The following MDM2 variants were observed in gnomAD, a reference collection of about 807,000 sequenced individuals.
MDM2 encodes MDM2 proto-oncogene, also known as E3 ubiquitin-protein ligase Mdm2.
In MDM2, 11 loss-of-function variants were observed where a neutral mutation model predicts 64.3. The observed-to-expected ratio is 0.17, with a 90% CI of 0.11 to 0.28. The LOEUF (loss-of-function observed/expected upper bound fraction) is 0.28, where lower values mean the gene tolerates loss of function less well. MDM2 is among the 10% of genes least tolerant of loss of function. The probability of loss-of-function intolerance (pLI) is 1.00; values close to 1 mark genes in which losing one functional copy is unlikely to be tolerated. For missense variants in MDM2, 388 were observed against 577.1 expected, an observed-to-expected ratio of 0.67 and a Z score of 3.36; for synonymous variants, 194 against 192.9, an observed-to-expected ratio of 1.01 and a Z score of -0.05.
chr12:68,829,737 G>T (rs766311370), intron 8 of MDM2, among the ~76,000 whole-genome samples: 3 of 146,898 alleles, frequency 2.0e-5, no homozygotes, highest in Non-Finnish European at 4.4e-5. Flanking sequence ...CTGCACTCTA[G>T]CCTGGGTGAC....
At chr12:68,835,797 T>TA (rs1883259835) in intron 8 of MDM2, 32 bp from the exon 9 acceptor site, 4 of 1,599,740 alleles carry the variant, frequency 2.5e-6, no homozygotes, top group Non-Finnish European at 3.4e-6. Context: ...GAGGTGATGT[T>TA]TATTAAGTTA....
intron 8 of MDM2, 30 bp from the exon 9 acceptor site, chr12:68,835,799 A>T: frequency 6.2e-7 from 1 of 1,601,546 alleles, no homozygotes; most frequent in East Asian, 2.2e-5. Flanking sequence ...GGTGATGTTT[A>T]TTAAGTTATA....
intron 7 of MDM2, chr12:68,828,501 G>A: frequency 3.2e-6 from 1 of 308,016 alleles, no homozygotes; most frequent in East Asian, 6.6e-5. Flanking sequence ...TTGAGCCCAT[G>A]AGGCAGAGGT....
Position 68,824,641 on chromosome 12 carries a change from T to C in MDM2, c.513T>C (p.Ile171=), listed in dbSNP as rs1383581783. Residue 171 remains isoleucine, a synonymous_variant, in exon 7 of 11, where the codon ATT becomes ATC. Coordinates refer to ENST00000258149, the MANE Select transcript of MDM2 (RefSeq NM_002392.6). ...CTACCTCATCTAGAAGGAGAGCAAT[T>C]AGTGAGACAGGTATATATGAATATT... ...RPSTSSRRRA[I]SETEENSDEL... The C allele has an allele frequency of 6.3e-7, 1 of 1,590,426 alleles. No homozygotes were observed. Among genetic ancestry groups the C allele is most frequent in the Non-Finnish European group, 8.6e-7 (1 of 1,160,932 alleles).
At chr12:68,846,647 A>G (rs1884315547), downstream of MDM2, 1 of 152,194 alleles carries the variant, frequency 6.6e-6, no homozygotes, top group Non-Finnish European at 1.5e-5. Context: ...TATTGGGGGA[A>G]AAACTTGCTT....
At chr12:68,835,631 G>C (rs1211501942) in intron 8 of MDM2, among the ~76,000 whole-genome samples, 198 bp from the exon 9 acceptor site, 2 of 152,182 alleles carry the variant, frequency 1.3e-5, no homozygotes, top group African/African-American at 2.4e-5. Context: ...CGTGGCAACC[G>C]GCTCCGGGAT....
intron 1 of MDM2, chr12:68,808,801 C>T: frequency 3.1e-6 from 2 of 645,662 alleles, no homozygotes; most frequent in Non-Finnish European, 3.8e-6. Flanking sequence ...GGGGCCGCTT[C>T]GGCGCGGGAG....
chr12:68,825,323 T>C (rs184710799), intron 7 of MDM2, among the ~76,000 whole-genome samples: 284 of 152,320 alleles, frequency 1.9e-3, no homozygotes, highest in African/African-American at 6.7e-3. Context: ...TACATACCTA[T>C]GAGTTTTAAA....
In MDM2 at chr12:68,820,250, G is replaced by A. The variant is rs1319282125; in HGVS notation, c.309-75G>A. 2.7e-6 allele frequency: 3 copies of A among 1,128,612 alleles called. No individual in the cohort carries two copies. In the African/African-American group the frequency reaches 4.7e-5, roughly 18 times the overall value. 69.9% of individuals were successfully genotyped at this position (1,128,612 alleles called of 1,614,324 possible). A position where few individuals can be genotyped will look rare whatever the true frequency, so the allele number is the denominator to read the frequency against. ...TACTAAGTATGTATGTAGAAGTCTG[G>A]TTAGATCCAGCTTAATACAAATTTT... is the stretch of plus-strand genomic sequence containing the variant. On this transcript the variant is annotated intron_variant, in intron 4 of 10. Coordinates refer to ENST00000258149, the MANE Select transcript of MDM2 (RefSeq NM_002392.6).
downstream of MDM2, chr12:68,847,181 G>GTGTACAT (rs1884360290): frequency 1.5e-5 from 1 of 66,700 alleles, no homozygotes; most frequent in Non-Finnish European, 3.1e-5. Context: ...GTTTATGTAT[G>GTGTACAT]TATGTGTGTG....
chr12:68,848,082 T>C (rs1884453446), downstream of MDM2: 1 of 152,196 alleles, frequency 6.6e-6, no homozygotes, highest in Non-Finnish European at 1.5e-5. Context: ...TGAGCTATGA[T>C]TGCGCCACTA....
chr12:68,809,370 T>C (rs1052893470), intron 2 of MDM2, 78 bp downstream of exon 2: 1 of 1,254,158 alleles, frequency 8.0e-7, no homozygotes, highest in Non-Finnish European at 1.2e-6. Context: ...TATACCTCAA[T>C]TGTAGCATGG....
At chr12:68,835,705 G>A in intron 8 of MDM2, 124 bp from the exon 9 acceptor site, 1 of 875,150 alleles carries the variant, frequency 1.1e-6, no homozygotes, top group Non-Finnish European at 1.7e-6. Flanking sequence ...GATCAGAGCA[G>A]CAGGCCCATC....
downstream of MDM2, chr12:68,849,394 T>TG (rs1884548529): frequency 8.0e-6 from 1 of 124,606 alleles, no homozygotes; most frequent in African/African-American, 3.0e-5. Context: ...CTGGCCGTTT[T>TG]TTTTTTTGTT....
chr12:68,842,041 A>G lies in MDM2; in HGVS notation c.*2192A>G. Reference sequence around the variant, plus strand: ...ATAAATGTCACAAAAACTTTAAAAGAAGTGCAATTCTCAAAAGGTTAGGTG... The same window carrying G: ...ATAAATGTCACAAAAACTTTAAAAGGAGTGCAATTCTCAAAAGGTTAGGTG... On this transcript the variant is annotated 3_prime_UTR_variant, in exon 11 of 11. Coordinates refer to ENST00000258149, the MANE Select transcript of MDM2 (RefSeq NM_002392.6). 2.5e-6 allele frequency: 1 copy of G among 407,350 alleles called. No individual in the cohort carries two copies. The highest frequency in any genetic ancestry group is 4.7e-6 in the Non-Finnish European group (1 of 212,300). The allele number at this position is 407,350 out of a possible 1,614,324, so 25.2% of individuals were successfully genotyped here.
chr12:68,833,276 T>C (rs1403561382), intron 8 of MDM2, among the ~76,000 whole-genome samples: 1 of 71,486 alleles, frequency 1.4e-5, no homozygotes, highest in African/African-American at 3.9e-5. Flanking sequence ...TATATATTTA[T>C]ATAAATATAA....
chr12:68,843,698 ACTCTCTCTCT>A lies in MDM2; in HGVS notation c.*3858_*3867del, dbSNP rs112584632. On this transcript the variant is annotated 3_prime_UTR_variant, in exon 11 of 11. Coordinates refer to ENST00000258149, the MANE Select transcript of MDM2 (RefSeq NM_002392.6). The stretch of plus-strand genomic sequence containing the variant: ...ACTAATGGTACATTGTTGCTTCAAA[ACTCTCTCTCT>A]CTCTCTCTGTCTGTCTCAATAAATG... The A allele has an allele frequency of 9.7e-6, 2 of 205,166 alleles. No homozygotes were observed. Among genetic ancestry groups the A allele is most frequent in the African/African-American group, 4.6e-5 (2 of 43,760 alleles). 12.7% of individuals were successfully genotyped at this position (205,166 alleles called of 1,614,324 possible).
At chr12:68,814,238 G>A (rs3730516) in intron 3 of MDM2, among the ~76,000 whole-genome samples, 3,036 of 152,184 alleles carry the variant, frequency 0.02, 95 homozygotes, top group African/African-American at 0.069. Context: ...CTTTTTAGTA[G>A]AGATGGGGTT....
At position 68,836,699 on chromosome 12, in the gene MDM2, G is replaced by C; in HGVS notation, c.868G>C (p.Gly290Arg). ...ATATCAAGTTACTGTGTATCAGGCA[G>C]GGGAGAGTGATACAGATTCATTTGA... ...EVYQVTVYQA[G>R]ESDTDSFEED... is the part of the protein sequence containing the mutation. Residue 290 changes from glycine to arginine, a missense_variant, in exon 10 of 11, where the codon GGG becomes CGG. Gly to Arg is a moderately radical substitution (Grantham distance 125). Transcript: ENST00000258149. 1 of 1,611,906 alleles carries C rather than the reference G, an allele frequency of 6.2e-7. No homozygotes were observed. The highest frequency in any genetic ancestry group is 8.5e-7 in the Non-Finnish European group (1 of 1,178,274).
Sources: gnomAD v4.1 joint callset for allele counts (sites outside exome capture counted in the v4.1 genomes callset) on GRCh38, gnomAD v4.1.1 for gene constraint, MANE v1.5 for transcripts, NCBI Gene and HGNC (gene_info 2026-07-23, HGNC 2026-07-21) for gene names.